Variants in ZSWIM6 observed in about 807,000 individuals in gnomAD.
ZSWIM6 encodes the protein zinc finger SWIM-type containing 6.
Under a neutral mutation model 113.2 loss-of-function variants are expected in ZSWIM6, and 9 were observed. That is an observed-to-expected ratio of 0.08 (90% CI 0.05 to 0.14). The LOEUF is 0.14. Among genes scored for constraint, ZSWIM6 ranks in the 10% least tolerant of loss-of-function variants. The probability of loss-of-function intolerance (pLI) is 1.00; values close to 1 mark genes in which losing one functional copy is unlikely to be tolerated. For synonymous variants in ZSWIM6, 611 were observed against 606.5 expected, an observed-to-expected ratio of 1.01 and a Z score of -0.11; for missense variants, 1,162 against 1,552.2, an observed-to-expected ratio of 0.75 and a Z score of 4.22.
chr5:61,502,156 GT>G (rs1748485694), intron 4 of ZSWIM6, among the ~76,000 whole-genome samples: 1 of 152,122 alleles, frequency 6.6e-6, no homozygotes. Flanking sequence ...GAGAAGCTTC[GT>G]TTTAAGCCAT....
chr5:61,423,647 A>G (rs1321362333), intron 1 of ZSWIM6, among the ~76,000 whole-genome samples: 1 of 152,168 alleles, frequency 6.6e-6, no homozygotes, highest in East Asian at 1.9e-4. Context: ...CCAGATGGTA[A>G]GTTCACTGTG....
intron 1 of ZSWIM6, among the ~76,000 whole-genome samples, chr5:61,395,534 T>G (rs1745819462): frequency 6.6e-6 from 1 of 152,220 alleles, no homozygotes; most frequent in Non-Finnish European, 1.5e-5. Flanking sequence ...ATTGATTAAA[T>G]GAGCACAGGG....
intron 1 of ZSWIM6, among the ~76,000 whole-genome samples, chr5:61,450,886 T>C (rs1218397251): frequency 1.3e-5 from 2 of 152,192 alleles, no homozygotes; most frequent in African/African-American, 4.8e-5. Context: ...ACTTGAGTAG[T>C]CAAGTGTATT....
chr5:61,426,588 G>A (rs1746466844), intron 1 of ZSWIM6, among the ~76,000 whole-genome samples: 1 of 151,748 alleles, frequency 6.6e-6, no homozygotes, highest in South Asian at 2.1e-4. Context: ...TCAATTGATT[G>A]AATAATATTC....
intron 12 of ZSWIM6, 60 bp from the exon 13 acceptor site, chr5:61,541,824 C>A (rs879351157): frequency 2.4e-5 from 34 of 1,391,682 alleles, no homozygotes; most frequent in Non-Finnish European, 3.2e-5. Context: ...TTATCCCCCC[C>A]CTTTTTTTTC....
chr5:61,544,313 G>T lies in ZSWIM6; in HGVS notation c.3644G>T (p.Gly1215Val). ...ATGATGTTGGTTCGGGAGAGGTTTG[G>T]TTGATAGATCTTGTATGAATGGGGT... The part of the protein sequence containing the change: ...KLMMLVRERF[G>V] The change falls in exon 14 of 14, where the codon GGT becomes GTT. Residue 1215 changes from glycine (G) to valine (V), a missense_variant. Around this residue, in one of 4 missense-constraint regions of ZSWIM6, gnomAD observed 113 missense variants for 213.8 expected, o/e 0.53. Transcript: ENST00000252744. 1 of 1,211,598 alleles carries T rather than the reference G, an allele frequency of 8.3e-7. No individual in the cohort carries two copies. The highest frequency in any genetic ancestry group is 1.1e-6 in the Non-Finnish European group (1 of 928,390). The allele number at this position is 1,211,598 out of a possible 1,614,324, so 75.1% of individuals were successfully genotyped here. A position where few individuals can be genotyped will look rare whatever the true frequency, so the allele number is the denominator to read the frequency against.
At chr5:61,513,665 G>A (rs1454459954) in intron 4 of ZSWIM6, among the ~76,000 whole-genome samples, 8 of 151,816 alleles carry the variant, frequency 5.3e-5, no homozygotes, top group Non-Finnish European at 8.8e-5. Flanking sequence ...ATATAATATG[G>A]ATTTTGGTTC....
chr5:61,462,317 G>T (rs778265809), intron 1 of ZSWIM6, among the ~76,000 whole-genome samples: 1 of 152,180 alleles, frequency 6.6e-6, no homozygotes, highest in Non-Finnish European at 1.5e-5. Context: ...GGATAAAAGG[G>T]ATGTTTTATA....
At chr5:61,503,899 ATCT>A (rs1748537058) in intron 4 of ZSWIM6, among the ~76,000 whole-genome samples, 1 of 152,060 alleles carries the variant, frequency 6.6e-6, no homozygotes, top group African/African-American at 2.4e-5. Context: ...TCCTTTCTTA[ATCT>A]TCTTTTTATT....
chr5:61,440,897 A>G (rs910406494), intron 1 of ZSWIM6, among the ~76,000 whole-genome samples: 1 of 152,206 alleles, frequency 6.6e-6, no homozygotes, highest in Non-Finnish European at 1.5e-5. Context: ...ACAATTCACT[A>G]TAGTGTTGTG....
At chr5:61,436,200 TAA>T (rs566126712) in intron 1 of ZSWIM6, among the ~76,000 whole-genome samples, 13 of 121,648 alleles carry the variant, frequency 1.1e-4, no homozygotes, top group Non-Finnish European at 8.8e-5. Flanking sequence ...AGACTCTGTC[TAA>T]AAAAAAAAAA....
chr5:61,371,295 A>G (rs941218395), intron 1 of ZSWIM6, among the ~76,000 whole-genome samples: 1 of 152,244 alleles, frequency 6.6e-6, no homozygotes, highest in African/African-American at 2.4e-5. Context: ...TTTATCAACT[A>G]TCTACACTTA....
chr5:61,414,943 T>C (rs200853338), intron 1 of ZSWIM6, among the ~76,000 whole-genome samples: 2 of 152,236 alleles, frequency 1.3e-5, no homozygotes, highest in East Asian at 3.8e-4. Flanking sequence ...ATCTAAACCC[T>C]AATTGTCAGA....
intron 1 of ZSWIM6, among the ~76,000 whole-genome samples, chr5:61,460,130 G>A (rs1397120341): frequency 2.6e-5 from 4 of 152,218 alleles, no homozygotes; most frequent in African/African-American, 9.6e-5. Flanking sequence ...TTTCATAGTG[G>A]ATGAGGGATA....
Position 61,332,371 on chromosome 5 carries a change from C to CA in ZSWIM6, c.99_100insA (p.Ala34SerfsTer66). 1.0e-6 allele frequency: 1 copy of CA among 991,444 alleles called. No individual in the cohort carries two copies. Among genetic ancestry groups the CA allele is most frequent in the Non-Finnish European group, 1.2e-6 (1 of 833,288 alleles). 61.4% of individuals were successfully genotyped at this position (991,444 alleles called of 1,614,324 possible). On this transcript the variant is annotated frameshift_variant, in exon 1 of 14. Transcript: ENST00000252744. LOFTEE classifies it high-confidence loss of function. ...GGGGCAGCAGCGGCGGCGGCGGCGG[C>CA]GCGGGTGGCGGCTACAGCTCTGCCT...
chr5:61,460,224 A>T (rs1747294533), intron 1 of ZSWIM6, among the ~76,000 whole-genome samples: 1 of 152,200 alleles, frequency 6.6e-6, no homozygotes, highest in Admixed American at 6.5e-5. Context: ...AAATCCTTTC[A>T]GTTGGCTCAT....
chr5:61,457,805 G>A (rs1361782105), intron 1 of ZSWIM6, among the ~76,000 whole-genome samples: 1 of 152,158 alleles, frequency 6.6e-6, no homozygotes, highest in East Asian at 1.9e-4. Context: ...TTACAGGTGT[G>A]AGCCGCTGCA....
chr5:61,334,440 CTA>C (rs1483162249), intron 1 of ZSWIM6, among the ~76,000 whole-genome samples: 3 of 152,202 alleles, frequency 2.0e-5, no homozygotes, highest in Admixed American at 6.5e-5. Flanking sequence ...GGACGCATCT[CTA>C]TCTCTTTGAT....
At chr5:61,494,122 CCACACACA>C (rs35518308) in intron 3 of ZSWIM6, 130 bp from the exon 4 acceptor site, 11 of 718,608 alleles carry the variant, frequency 1.5e-5, no homozygotes, top group South Asian at 2.3e-5. Context: ...CTATCCTCCA[CCACACACA>C]CACACACACA....
Sources: gnomAD v4.1 joint callset for allele counts (sites outside exome capture counted in the v4.1 genomes callset) on GRCh38, gnomAD v4.1.1 for gene constraint, gnomAD v4.1.1 regional missense constraint, MANE v1.5 for transcripts, NCBI Gene and HGNC (gene_info 2026-07-23, HGNC 2026-07-21) for gene names.